The following ZHX1 variants were observed in gnomAD, a reference collection of about 807,000 sequenced individuals.
The protein encoded by ZHX1 is zinc fingers and homeoboxes 1.
Under a neutral mutation model 61.8 loss-of-function variants are expected in ZHX1, and 20 were observed. That is an observed-to-expected ratio of 0.32 (90% CI 0.23 to 0.47). The LOEUF (loss-of-function observed/expected upper bound fraction) is 0.47. Ranked by LOEUF, ZHX1 falls within the 20% of genes least tolerant of loss-of-function variation. The probability of loss-of-function intolerance (pLI) is 1.00; values close to 1 mark genes in which losing one functional copy is unlikely to be tolerated. For synonymous variants in ZHX1, 318 were observed against 352.6 expected (o/e 0.90, Z 1.10); for missense variants, 800 against 1,034.8 (o/e 0.77, Z 3.11).
Position 123,254,415 on chromosome 8 carries a change from C to G in ZHX1, c.1532G>C (p.Trp511Ser). The change falls in exon 3 of 4, where the codon TGG becomes TCG. Residue 511 changes from tryptophan (W) to serine (S), a missense_variant. Physicochemically the swap from Trp to Ser is radical, Grantham distance 177. Coordinates refer to ENST00000395571, the MANE Select transcript of ZHX1 (RefSeq NM_007222.5). The surrounding 1 kb of genome is among the most constrained non-coding windows in gnomAD (Gnocchi z 4.1). ...CTGGTTGTACCTTGTGTCACTAAAC[C>G]ATTTTTTAATCTCTCCTTTCGTCAG... ...TGLTKGEIKK[W>S]FSDTRYNQRN... is the part of the protein sequence containing the mutation. 6.2e-7 allele frequency: 1 copy of G among 1,614,110 alleles called. No homozygotes were observed. Among genetic ancestry groups the G allele is most frequent in the Non-Finnish European group, 8.5e-7 (1 of 1,180,008 alleles).
chr8:123,255,431 A>G lies in ZHX1; in HGVS notation c.516T>C (p.Ser172=), dbSNP rs1381616362. 5.6e-6 allele frequency: 9 copies of G among 1,613,398 alleles called. No individual in the cohort carries two copies. Among genetic ancestry groups the G allele is most frequent in the Non-Finnish European group, 7.6e-6 (9 of 1,180,026 alleles). ...TTTTACTGATAGATATTCCCGAAGA[A>G]GAAACTTCTGTAGATTCTGCTTGCT... is the stretch of plus-strand genomic sequence containing the variant. ...NAEQAESTEV[S]SSGISISKTP... Residue 172 remains serine (S), a synonymous_variant, in exon 3 of 4, where the codon TCT becomes TCC. Transcript: ENST00000395571.
intron 2 of ZHX1, among the ~76,000 whole-genome samples, chr8:123,263,298 A>G (rs551275876): frequency 2.8e-4 from 42 of 152,212 alleles, no homozygotes; most frequent in African/African-American, 9.6e-4. Flanking sequence ...TAGGATACCC[A>G]TCAATCAACT....
At chr8:123,250,992 G>A (rs1168225724) in intron 3 of ZHX1, among the ~76,000 whole-genome samples, 1 of 152,136 alleles carries the variant, frequency 6.6e-6, no homozygotes, top group Non-Finnish European at 1.5e-5. Flanking sequence ...ATGTAAATAG[G>A]CTGTTTTTAC....
chr8:123,256,374 T>A (rs528568937), intron 2 of ZHX1, among the ~76,000 whole-genome samples: 10 of 152,316 alleles, frequency 6.6e-5, no homozygotes, highest in Admixed American at 5.2e-4. Context: ...GTACTTTACC[T>A]TGGGTCAGAC....
intron 3 of ZHX1, among the ~76,000 whole-genome samples, chr8:123,250,895 G>A (rs964725012): frequency 6.6e-6 from 1 of 152,280 alleles, no homozygotes; most frequent in African/African-American, 2.4e-5. Flanking sequence ...ATATAATATG[G>A]TTTGGCTCTG....
intron 2 of ZHX1, among the ~76,000 whole-genome samples, chr8:123,266,691 A>G (rs1826471483): frequency 2.0e-5 from 3 of 152,214 alleles, no homozygotes; most frequent in African/African-American, 7.2e-5. Context: ...AGAAAGGCAC[A>G]TTTCACACAT....
rs889634126 is a variant in ZHX1 at position 123,256,003 on chromosome 8, G to C, written c.-57C>G. ...TTAAAAAGCATCGAGGCTTAAAACT[G>C]TTCAGTGTTCTTCATTTGAAAACAA... On this transcript the variant is annotated 5_prime_UTR_variant, in exon 3 of 4. Coordinates refer to ENST00000395571, the MANE Select transcript of ZHX1 (RefSeq NM_007222.5). 3 of 1,468,034 alleles carry C rather than the reference G, an allele frequency of 2.0e-6. No homozygotes were observed. Among genetic ancestry groups the C allele is most frequent in the East Asian group, 2.3e-5 (1 of 43,420 alleles). The allele number at this position is 1,468,034 out of a possible 1,614,324, so 90.9% of individuals were successfully genotyped here.
In ZHX1 at chr8:123,254,324, G is replaced by C; in HGVS notation, c.1623C>G (p.Asp541Glu). Residue 541 changes from aspartate to glutamate, a missense_variant, in exon 3 of 4, where the codon GAC becomes GAG. Transcript: ENST00000395571. The surrounding 1 kb of genome is among the most constrained non-coding windows in gnomAD (Gnocchi z 4.1). ...GGGATTCCGTGGTTTCATCACTGGA[G>C]TCTATAATAATGGTGGTAGAGGAAT... ...NNDSSTTIIIDSSDETTESPT... is the reference protein window; with the variant it reads ...NNDSSTTIIIESSDETTESPT... The C allele has an allele frequency of 6.2e-7, 1 of 1,614,154 alleles. No individual in the cohort carries two copies. Among genetic ancestry groups the C allele is most frequent in the South Asian group, 1.1e-5 (1 of 91,076 alleles).
In ZHX1 at chr8:123,255,295, G is replaced by C. The variant is rs759275777; in HGVS notation, c.652C>G (p.Arg218Gly). The C allele has an allele frequency of 1.3e-5, 21 of 1,613,934 alleles. No homozygotes were observed. The highest frequency in any genetic ancestry group is 2.2e-5 in the South Asian group (2 of 91,072). Residue 218 changes from arginine (R) to glycine (G), a missense_variant, in exon 3 of 4, where the codon CGT (arginine) becomes GGT (glycine). Physicochemically the swap from Arg to Gly is moderately radical, Grantham distance 125. Transcript: ENST00000395571. ...EEKENEIKPD[R>G]EEIVENPSSS... ...CTTGGATTTTCTACAATTTCTTCAC[G>C]GTCTGGTTTGATTTCATTCTCTTTC...
intron 1 of ZHX1, among the ~76,000 whole-genome samples, chr8:123,267,972 G>A (rs1338581303): frequency 6.6e-6 from 1 of 152,104 alleles, no homozygotes; most frequent in Non-Finnish European, 1.5e-5. Flanking sequence ...TTGCACCCCA[G>A]TCTGGGCAAC....
chr8:123,266,025 G>GA (rs1288550330), intron 2 of ZHX1, among the ~76,000 whole-genome samples: 1 of 152,252 alleles, frequency 6.6e-6, no homozygotes, highest in Middle Eastern at 3.4e-3. Context: ...TTGCGGGAGT[G>GA]AAATGTCTTT....
intron 2 of ZHX1, among the ~76,000 whole-genome samples, chr8:123,263,472 T>C (rs1230459609): frequency 2.6e-5 from 4 of 152,170 alleles, no homozygotes; most frequent in Non-Finnish European, 5.9e-5. Flanking sequence ...GAGTATCTAC[T>C]TAGCTATCCA....
upstream of ZHX1, among the ~76,000 whole-genome samples, chr8:123,274,864 C>T (rs1025513652): frequency 2.0e-5 from 3 of 152,142 alleles, no homozygotes; most frequent in African/African-American, 7.2e-5. Context: ...CGCCCCTTGT[C>T]ATCACACGCC....
In ZHX1 at chr8:123,274,283, T is replaced by C. The variant is rs563030055; in HGVS notation, c.-406A>G. On this transcript the variant is annotated 5_prime_UTR_variant, in exon 1 of 4. Coordinates refer to ENST00000395571, the MANE Select transcript of ZHX1 (RefSeq NM_007222.5). The stretch of plus-strand genomic sequence containing the variant: ...TCTTGCATTTCAAACCGGCTGCACT[T>C]TTCAGGGAGTCAACTCTGACCTGTG... 1 of 152,620 alleles carries C rather than the reference T, an allele frequency of 6.6e-6. No individual in the cohort carries two copies. The highest frequency in any genetic ancestry group is 2.4e-5 in the African/African-American group (1 of 41,442). 9.5% of individuals were successfully genotyped at this position (152,620 alleles called of 1,614,324 possible). A position where few individuals can be genotyped will look rare whatever the true frequency, so the allele number is the denominator to read the frequency against.
At position 123,253,984 on chromosome 8, in the gene ZHX1, C is replaced by T. The variant is rs750514614; in HGVS notation, c.1963G>A (p.Ala655Thr). The T allele has an allele frequency of 6.2e-7, 1 of 1,614,036 alleles. No individual in the cohort carries two copies. Among genetic ancestry groups the T allele is most frequent in the Admixed American group, 1.7e-5 (1 of 59,990 alleles). ...GETSPADESG[A>T]PKSGSTGKIC... ...TTGCCTGTACTCCCTGACTTAGGTG[C>T]ACCAGATTCATCTGCAGGAGAAGTT... The change falls in exon 3 of 4, where the codon GCA (alanine) becomes ACA (threonine). Residue 655 changes from alanine to threonine, a missense_variant. Transcript: ENST00000395571.
chr8:123,274,789 T>TGC (rs1007397155), upstream of ZHX1, among the ~76,000 whole-genome samples: 34 of 152,176 alleles, frequency 2.2e-4, no homozygotes, highest in African/African-American at 8.2e-4. Flanking sequence ...CCGCCTTCCT[T>TGC]GCGCTCCGCC....
chr8:123,258,235 C>T (rs1826135952), intron 2 of ZHX1, among the ~76,000 whole-genome samples: 1 of 152,136 alleles, frequency 6.6e-6, no homozygotes. Flanking sequence ...CTGGCACCTC[C>T]CCACTGTCTC....
chr8:123,268,591 A>G (rs1489513412), intron 1 of ZHX1, among the ~76,000 whole-genome samples: 1 of 152,134 alleles, frequency 6.6e-6, no homozygotes, highest in Admixed American at 6.5e-5. Flanking sequence ...TCCCTGGTTC[A>G]AGCGATTCTC....
At position 123,267,263 on chromosome 8, in the gene ZHX1, A is replaced by C; in HGVS notation, c.-226+10T>G. ...TGAGTTTTACCATACCAAAACAATG[A>C]AACACATACTTGCCACAGCTTCCTT... On this transcript the variant is annotated intron_variant, in intron 2 of 3. Coordinates refer to ENST00000395571, the MANE Select transcript of ZHX1 (RefSeq NM_007222.5). 6.5e-7 allele frequency: 1 copy of C among 1,530,504 alleles called. No individual in the cohort carries two copies. The highest frequency in any genetic ancestry group is 8.7e-7 in the Non-Finnish European group (1 of 1,143,132). 94.8% of individuals were successfully genotyped at this position (1,530,504 alleles called of 1,614,324 possible).
Sources: gnomAD v4.1 joint callset for allele counts (sites outside exome capture counted in the v4.1 genomes callset) on GRCh38, gnomAD v4.1.1 for gene constraint, Gnocchi (gnomAD v3.1) non-coding constraint, MANE v1.5 for transcripts, NCBI Gene and HGNC (gene_info 2026-07-23, HGNC 2026-07-21) for gene names.